RPS6KC1: variants seen among roughly 807,000 people sequenced by gnomAD.
The protein encoded by RPS6KC1 is inactive ribosomal protein S6 kinase delta-1.
RPS6KC1 carries 54 observed loss-of-function variants against 103.8 expected under a neutral mutation model. That is an observed-to-expected ratio of 0.52 (90% CI 0.42 to 0.65). RPS6KC1 has a LOEUF of 0.65. Among genes scored for constraint, RPS6KC1 ranks in the 30% least tolerant of loss-of-function variants. The pLI, the probability that RPS6KC1 is intolerant of heterozygous loss-of-function variation, is 0.00. For missense variants in RPS6KC1, 1,151 were observed against 1,253.8 expected, an observed-to-expected ratio of 0.92 and a Z score of 1.24; for synonymous variants, 439 against 438.7, an observed-to-expected ratio of 1.00 and a Z score of -0.01.
intron 3 of RPS6KC1, among the ~76,000 whole-genome samples, chr1:213,078,645 GC>G (rs1206757451): frequency 6.6e-6 from 1 of 152,096 alleles, no homozygotes; most frequent in Non-Finnish European, 1.5e-5. Context: ...CAAGTGGTCC[GC>G]CCGCCTTGAC....
chr1:213,151,757 G>A (rs1445311173), intron 6 of RPS6KC1, among the ~76,000 whole-genome samples: 1 of 129,472 alleles, frequency 7.7e-6, no homozygotes, highest in Non-Finnish European at 1.6e-5. Flanking sequence ...CCTCCCGGAC[G>A]AGGCGGCTGG....
chr1:213,077,241 T>G (rs2079428385), intron 2 of RPS6KC1, among the ~76,000 whole-genome samples: 1 of 152,220 alleles, frequency 6.6e-6, no homozygotes, highest in Admixed American at 6.5e-5. Flanking sequence ...TATTTTGTCT[T>G]TATAAATACA....
At chr1:213,447,482 A>G in the RPS6KC1 span, among the ~76,000 whole-genome samples, 4 of 152,260 alleles carry the variant, frequency 2.6e-5, no homozygotes, top group African/African-American at 9.6e-5. Flanking sequence ...CATGTAATCA[A>G]TATAAATATT....
the RPS6KC1 span, among the ~76,000 whole-genome samples, chr1:213,313,891 T>G: frequency 1.3e-5 from 2 of 152,068 alleles, no homozygotes; most frequent in Non-Finnish European, 2.9e-5. Flanking sequence ...AGGCGGAGCT[T>G]GCAGTGAGCC....
At chr1:213,327,236 A>AAAAGAAAAGAAAG in the RPS6KC1 span, among the ~76,000 whole-genome samples, 50 of 144,692 alleles carry the variant, frequency 3.5e-4, no homozygotes, top group Admixed American at 1.2e-3. Context: ...GAAAGAAAAG[A>AAAAGAAAAGAAAG]AAAGAAAGAA....
At chr1:213,055,051 G>T (rs2077223625) in intron 1 of RPS6KC1, among the ~76,000 whole-genome samples, 1 of 152,184 alleles carries the variant, frequency 6.6e-6, no homozygotes, top group African/African-American at 2.4e-5. Flanking sequence ...TCAAAAGACA[G>T]TGCTGTATTA....
At chr1:213,451,049 T>C in the RPS6KC1 span, among the ~76,000 whole-genome samples, 2 of 152,116 alleles carry the variant, frequency 1.3e-5, no homozygotes, top group Admixed American at 1.3e-4. Flanking sequence ...GGTAAGTTTA[T>C]TGGAAAAAAT....
chr1:213,201,785 C>G (rs2093171754), intron 8 of RPS6KC1, among the ~76,000 whole-genome samples: 1 of 152,146 alleles, frequency 6.6e-6, no homozygotes, highest in Non-Finnish European at 1.5e-5. Flanking sequence ...ACAGTCACTG[C>G]CATGTTTGGT....
At chr1:213,411,216 A>G in the RPS6KC1 span, among the ~76,000 whole-genome samples, 3 of 152,288 alleles carry the variant, frequency 2.0e-5, no homozygotes, top group East Asian at 1.9e-4. Flanking sequence ...AAGGATTTCC[A>G]GATTTTAGAG....
chr1:213,826,777 G>A, the RPS6KC1 span, among the ~76,000 whole-genome samples: 3 of 152,110 alleles, frequency 2.0e-5, no homozygotes, highest in Admixed American at 6.5e-5. Context: ...TGGGAAGGGG[G>A]GGAAGTACTA....
At chr1:213,796,422 A>G in the RPS6KC1 span, among the ~76,000 whole-genome samples, 1 of 152,274 alleles carries the variant, frequency 6.6e-6, no homozygotes, top group African/African-American at 2.4e-5. Flanking sequence ...TCTTCAGCGA[A>G]TCTTGAATGC....
chr1:213,312,151 C>G, the RPS6KC1 span, among the ~76,000 whole-genome samples: 4 of 152,086 alleles, frequency 2.6e-5, no homozygotes, highest in African/African-American at 9.7e-5. Context: ...CCTTCTCAGT[C>G]TCCCAAAGTG....
chr1:213,603,845 G>A, the RPS6KC1 span, among the ~76,000 whole-genome samples: 5 of 151,872 alleles, frequency 3.3e-5, no homozygotes, highest in South Asian at 8.3e-4. Context: ...GGGCGACAGA[G>A]GGAGACTCTG....
chr1:213,802,589 A>G, the RPS6KC1 span, among the ~76,000 whole-genome samples: 1 of 152,172 alleles, frequency 6.6e-6, no homozygotes, highest in Non-Finnish European at 1.5e-5. Context: ...TTTAGGAATG[A>G]TTTTTTTGAC....
chr1:213,404,229 G>T, the RPS6KC1 span, among the ~76,000 whole-genome samples: 952 of 152,248 alleles, frequency 6.3e-3, 9 homozygotes, highest in African/African-American at 0.022. Flanking sequence ...TTCGGCGGGG[G>T]TTTACACTGG....
At chr1:213,285,735 C>G in the RPS6KC1 span, among the ~76,000 whole-genome samples, 1 of 152,074 alleles carries the variant, frequency 6.6e-6, no homozygotes, top group Non-Finnish European at 1.5e-5. Context: ...TTCCTGTGTT[C>G]AAACCTAATA....
chr1:213,696,740 CAA>C, the RPS6KC1 span, among the ~76,000 whole-genome samples: 149 of 152,134 alleles, frequency 9.8e-4, no homozygotes, highest in Non-Finnish European at 1.6e-3. Context: ...AGGGAAAAAC[CAA>C]AGTGTTTTTT....
chr1:213,602,099 T>C, the RPS6KC1 span, among the ~76,000 whole-genome samples: 1 of 19,162 alleles, frequency 5.2e-5, no homozygotes, highest in African/African-American at 2.3e-4. Context: ...TTTCTTTCTT[T>C]CTTTCTTTCT....
chr1:213,709,401 T>G, the RPS6KC1 span, among the ~76,000 whole-genome samples: 1 of 152,250 alleles, frequency 6.6e-6, no homozygotes, highest in South Asian at 2.1e-4. Flanking sequence ...TGATATCCTC[T>G]TTATCATTTT....
Sources: gnomAD v4.1 joint callset for allele counts (sites outside exome capture counted in the v4.1 genomes callset) on GRCh38, gnomAD v4.1.1 for gene constraint, MANE v1.5 for transcripts, NCBI Gene and HGNC (gene_info 2026-07-23, HGNC 2026-07-21) for gene names.